DCAF8L2: variants seen among roughly 807,000 people sequenced by gnomAD.
The protein encoded by DCAF8L2 is DDB1 and CUL4 associated factor 8 like 2.
For synonymous variants in DCAF8L2, 200 were observed against 190.9 expected (o/e 1.05, Z -0.39); for missense variants, 430 against 490.7 (o/e 0.88, Z 1.17).
At chrX:27,570,686 A>G in the DCAF8L2 span, among the ~76,000 whole-genome samples, 1 of 111,995 alleles carries the variant, frequency 8.9e-6, no homozygotes, top group East Asian at 2.8e-4. Context: ...CAGAATAAAT[A>G]TTCCATAGAG....
At chrX:27,706,825 T>C (rs1236100713) in intron 3 of DCAF8L2, among the ~76,000 whole-genome samples, 1 of 111,935 alleles carries the variant, frequency 8.9e-6, no homozygotes, top group African/African-American at 3.2e-5. Flanking sequence ...CAAAAACCTG[T>C]ACATGAATGT....
chrX:27,533,180 A>AGAGAGAGAG, the DCAF8L2 span, among the ~76,000 whole-genome samples: 16 of 18,647 alleles, frequency 8.6e-4, no homozygotes, highest in East Asian at 3.9e-3. Context: ...GAAAGAAAGA[A>AGAGAGAGAG]AGAAAGAAAG....
the DCAF8L2 span, among the ~76,000 whole-genome samples, chrX:27,476,937 A>C: frequency 8.9e-6 from 1 of 112,299 alleles, no homozygotes; most frequent in African/African-American, 3.2e-5. Context: ...CAAATTGAGA[A>C]TTGTTGCACT....
At chrX:27,496,082 A>G in the DCAF8L2 span, among the ~76,000 whole-genome samples, 1 of 111,260 alleles carries the variant, frequency 9.0e-6, no homozygotes, top group Non-Finnish European at 1.9e-5. Flanking sequence ...ATCTTTTGTT[A>G]CTTTCAGTAA....
At chrX:27,517,599 T>C in the DCAF8L2 span, among the ~76,000 whole-genome samples, 2 of 111,527 alleles carry the variant, frequency 1.8e-5, no homozygotes, top group Non-Finnish European at 1.9e-5. Context: ...GATATCATAC[T>C]TCCTTAATGT....
intron 4 of DCAF8L2, among the ~76,000 whole-genome samples, chrX:27,723,054 A>G (rs1324318542): frequency 2.7e-5 from 3 of 110,745 alleles, no homozygotes; most frequent in Non-Finnish European, 3.8e-5. Context: ...ATATAGAGAA[A>G]CAAATCTGAA....
At chrX:27,692,736 C>T (rs1472552959) in intron 3 of DCAF8L2, among the ~76,000 whole-genome samples, 1 of 111,558 alleles carries the variant, frequency 9.0e-6, no homozygotes, top group African/African-American at 3.3e-5. Context: ...TAGTTTTCAA[C>T]TGTGGTGACT....
At chrX:27,520,570 T>C in the DCAF8L2 span, among the ~76,000 whole-genome samples, 5 of 111,989 alleles carry the variant, frequency 4.5e-5, no homozygotes, top group Non-Finnish European at 3.8e-5. Flanking sequence ...GTTATGCCTT[T>C]TAAGTTGACA....
chrX:27,746,993 C>A lies in DCAF8L2; in HGVS notation c.98C>A (p.Thr33Lys), dbSNP rs1199443413. ...GAGCAGTCTGGAGCCGTGGCGGCGA[C>A]AGAGGCCTCCTCAGACATTGACATA... is the stretch of plus-strand genomic sequence containing the variant. ...PEEQSGAVAA[T>K]EASSDIDIAT... is the part of the protein sequence containing the mutation. Residue 33 changes from threonine (T) to lysine (K), a missense_variant, in exon 5 of 5, where the codon ACA becomes AAA. Coordinates refer to ENST00000451261, the MANE Select transcript of DCAF8L2 (RefSeq NM_001353450.2). 1.7e-6 allele frequency: 2 copies of A among 1,192,358 alleles called. No individual in the cohort carries two copies. Among genetic ancestry groups the A allele is most frequent in the Admixed American group, 4.6e-5 (2 of 43,277 alleles).
At chrX:27,689,264 G>A (rs1471271795) in intron 3 of DCAF8L2, among the ~76,000 whole-genome samples, 6 of 111,995 alleles carry the variant, frequency 5.4e-5, no homozygotes, top group South Asian at 7.4e-4. Context: ...GATTTTTTGC[G>A]ATGGAGTCTC....
At chrX:27,551,253 A>G in the DCAF8L2 span, among the ~76,000 whole-genome samples, 3 of 110,084 alleles carry the variant, frequency 2.7e-5, no homozygotes, top group African/African-American at 9.9e-5. Context: ...TTTTATTGTA[A>G]GAAATTGCCA....
intron 1 of DCAF8L2, among the ~76,000 whole-genome samples, chrX:27,608,889 T>C (rs1039534809): frequency 3.6e-5 from 4 of 110,614 alleles, no homozygotes; most frequent in South Asian, 7.8e-4. Flanking sequence ...CAATAGTACA[T>C]AGAATGACAT....
At chrX:27,699,620 G>A (rs1042994096) in intron 3 of DCAF8L2, among the ~76,000 whole-genome samples, 1 of 111,652 alleles carries the variant, frequency 9.0e-6, no homozygotes, top group Non-Finnish European at 1.9e-5. Flanking sequence ...AAGCGAAGTG[G>A]TAGCATCAAA....
At chrX:27,552,633 C>T in the DCAF8L2 span, among the ~76,000 whole-genome samples, 1 of 111,737 alleles carries the variant, frequency 8.9e-6, no homozygotes, top group East Asian at 2.8e-4. Context: ...TCTGGTCCCT[C>T]TATTTTGTTC....
intron 4 of DCAF8L2, among the ~76,000 whole-genome samples, chrX:27,744,095 A>G (rs747480814): frequency 1.5e-4 from 17 of 111,227 alleles, no homozygotes; most frequent in Non-Finnish European, 1.9e-4. Flanking sequence ...TAAAAGACCA[A>G]TGCTTCCTAC....
At chrX:27,650,803 T>C (rs1351590019) in intron 2 of DCAF8L2, among the ~76,000 whole-genome samples, 1 of 111,631 alleles carries the variant, frequency 9.0e-6, no homozygotes, top group African/African-American at 3.3e-5. Context: ...TCTTGACTGA[T>C]TGTTCTGTCA....
intron 1 of DCAF8L2, among the ~76,000 whole-genome samples, chrX:27,610,221 G>A (rs887550335): frequency 9.0e-6 from 1 of 110,941 alleles, no homozygotes; most frequent in Non-Finnish European, 1.9e-5. Flanking sequence ...CTCTTAAGAC[G>A]AAATACTTGA....
chrX:27,491,085 T>C, the DCAF8L2 span, among the ~76,000 whole-genome samples: 1 of 112,675 alleles, frequency 8.9e-6, no homozygotes, highest in Non-Finnish European at 1.9e-5. Context: ...TTGTGTAAAC[T>C]GTTATAGGTC....
chrX:27,672,469 A>C (rs1302545319), intron 2 of DCAF8L2, among the ~76,000 whole-genome samples: 1 of 112,260 alleles, frequency 8.9e-6, no homozygotes, highest in Non-Finnish European at 1.9e-5. Flanking sequence ...ATAATGTTGG[A>C]ACAATTTCAT....
Sources: allele counts gnomAD v4.1 joint callset (sites outside exome capture counted in the v4.1 genomes callset), GRCh38; gene constraint gnomAD v4.1.1; transcripts MANE v1.5; gene names NCBI Gene and HGNC (gene_info 2026-07-23, HGNC 2026-07-21).